Variants in RBM6 observed in about 807,000 individuals in gnomAD.
The protein encoded by RBM6 is RNA-binding protein 6.
RBM6 carries 23 observed loss-of-function variants against 140.4 expected under a neutral mutation model. That is an observed-to-expected ratio of 0.16 (90% CI 0.12 to 0.23). The LOEUF is 0.23. RBM6 is among the 10% of genes least tolerant of loss of function. The probability of loss-of-function intolerance (pLI) is 1.00; values close to 1 mark genes in which losing one functional copy is unlikely to be tolerated. For synonymous variants in RBM6, 439 were observed against 475.6 expected, an observed-to-expected ratio of 0.92 and a Z score of 1.00; for missense variants, 1,139 against 1,386.7, an observed-to-expected ratio of 0.82 and a Z score of 2.84.
At chr3:49,956,130 C>T (rs1331227718) in intron 1 of RBM6, among the ~76,000 whole-genome samples, 1 of 151,514 alleles carries the variant, frequency 6.6e-6, no homozygotes, top group Non-Finnish European at 1.5e-5. Context: ...TCAAGTGATC[C>T]TCCTGTCCCA....
At chr3:49,977,807 T>C (rs1269253132) in intron 5 of RBM6, among the ~76,000 whole-genome samples, 4 of 152,194 alleles carry the variant, frequency 2.6e-5, no homozygotes, top group Middle Eastern at 3.2e-3. Context: ...AGAACTATAG[T>C]GTTTACTGTT....
At chr3:50,038,493 G>T (rs2088675738) in intron 6 of RBM6, among the ~76,000 whole-genome samples, 1 of 152,094 alleles carries the variant, frequency 6.6e-6, no homozygotes, top group South Asian at 2.1e-4. Flanking sequence ...AAGAGCCAGG[G>T]AGCTCCAATA....
intron 18 of RBM6, among the ~76,000 whole-genome samples, chr3:50,069,245 G>T (rs533718748): frequency 6.6e-6 from 1 of 152,294 alleles, no homozygotes; most frequent in East Asian, 1.9e-4. Flanking sequence ...AGGCACGGTG[G>T]CTCACGCCTA....
At chr3:49,941,730 A>G (rs1412792460) in intron 1 of RBM6, among the ~76,000 whole-genome samples, 1 of 150,788 alleles carries the variant, frequency 6.6e-6, no homozygotes, top group Non-Finnish European at 1.5e-5. Flanking sequence ...ATGCCCAGCT[A>G]ATTTTTTGTA....
chr3:50,057,295 A>G (rs1399520973), intron 8 of RBM6, among the ~76,000 whole-genome samples: 2 of 152,186 alleles, frequency 1.3e-5, no homozygotes, highest in Non-Finnish European at 2.9e-5. Flanking sequence ...ATAATATTAA[A>G]AGCATTCCAG....
Position 50,077,130 on chromosome 3 carries a change from T to A in RBM6, c.3369T>A (p.Asp1123Glu). 1.9e-6 allele frequency: 3 copies of A among 1,609,444 alleles called. No homozygotes were observed. Among genetic ancestry groups the A allele is most frequent in the Non-Finnish European group, 2.5e-6 (3 of 1,178,580 alleles). The change falls in exon 21 of 21, where the codon GAT (aspartate) becomes GAA (glutamate). Residue 1123 changes from aspartate (D) to glutamate (E), a missense_variant. By Grantham distance (45) the Asp-to-Glu change is conservative. This residue lies in a region of RBM6 where 125 missense variants were observed against 142.0 expected (regional missense o/e 0.88). Coordinates refer to ENST00000266022, the MANE Select transcript of RBM6 (RefSeq NM_005777.3). ...TGTTTGCTCGATATAAAGAACTCGATTAAGAAAGGAGACAAGTTCCATGGG... is the reference window on the plus strand; with the variant it reads ...TGTTTGCTCGATATAAAGAACTCGAATAAGAAAGGAGACAAGTTCCATGGG... ...RVMFARYKEL[D>E]
chr3:50,061,212 G>A lies in RBM6; in HGVS notation c.2344G>A (p.Gly782Arg). The stretch of plus-strand genomic sequence containing the variant: ...CTGGTCTTCAGATACAAATCGACAA[G>A]GACAACAGTGTAAGTAACCTTTGTT... Reference protein sequence around the residue: ...SDWSSDTNRQGQQSSSDCYIY... With the variant: ...SDWSSDTNRQRQQSSSDCYIY... Residue 782 changes from glycine (G) to arginine (R), a missense_variant, in exon 13 of 21, where the codon GGA becomes AGA. Coordinates refer to ENST00000266022, the MANE Select transcript of RBM6 (RefSeq NM_005777.3). 1.2e-6 allele frequency: 2 copies of A among 1,614,132 alleles called. No individual in the cohort carries two copies. Among genetic ancestry groups the A allele is most frequent in the Non-Finnish European group, 1.7e-6 (2 of 1,180,026 alleles).
In RBM6 at chr3:49,970,487, C is replaced by G. The variant is rs567230736; in HGVS notation, c.1324-1572C>G. ...TTTGGGAGTTGACTCTTGCAACTCT[C>G]GCTTAGTTAGACCTGTGATTGTTTA... On this transcript the variant is annotated intron_variant, in intron 3 of 20. Transcript: ENST00000266022. Among the ~76,000 whole-genome samples the G allele has an allele frequency of 2.0e-5, 3 of 152,194 alleles. No homozygotes were observed. In the East Asian group the frequency reaches 5.8e-4, roughly 29 times the overall value.
intron 6 of RBM6, among the ~76,000 whole-genome samples, chr3:50,029,211 G>A (rs1449582127): frequency 6.6e-6 from 1 of 152,170 alleles, no homozygotes; most frequent in Non-Finnish European, 1.5e-5. Context: ...TCTTGTGGTG[G>A]TATGTAGACT....
At chr3:50,068,857 A>G in intron 18 of RBM6, 93 bp downstream of exon 18, 1 of 1,155,780 alleles carries the variant, frequency 8.7e-7, no homozygotes, top group Non-Finnish European at 1.3e-6. Flanking sequence ...CCTTATAAGA[A>G]GATGGAGAAC....
At chr3:50,053,991 G>A (rs527756015) in intron 7 of RBM6, 1 of 192,504 alleles carries the variant, frequency 5.2e-6, no homozygotes, top group South Asian at 1.3e-4. Context: ...TCAGGCCCAA[G>A]TTTTGGGTGC....
At chr3:50,056,636 A>G (rs1272754460) in intron 8 of RBM6, among the ~76,000 whole-genome samples, 1 of 152,210 alleles carries the variant, frequency 6.6e-6, no homozygotes, top group Admixed American at 6.5e-5. Flanking sequence ...CCATACCACT[A>G]AGATGAGACA....
At chr3:49,966,990 T>C (rs1270167211) in intron 2 of RBM6, among the ~76,000 whole-genome samples, 1 of 152,196 alleles carries the variant, frequency 6.6e-6, no homozygotes, top group Non-Finnish European at 1.5e-5. Flanking sequence ...TAATAAAATA[T>C]TTTTGAATGT....
chr3:49,978,741 C>T (rs1201027626), intron 5 of RBM6, among the ~76,000 whole-genome samples: 1 of 152,070 alleles, frequency 6.6e-6, no homozygotes, highest in Non-Finnish European at 1.5e-5. Context: ...CAGGATTTGC[C>T]TCAAAATGAG....
chr3:50,068,584 A>ACTGT, intron 17 of RBM6, 106 bp from the exon 18 acceptor site: 1 of 965,566 alleles, frequency 1.0e-6, no homozygotes, highest in Non-Finnish European at 1.6e-6. Context: ...AGATCTGATC[A>ACTGT]ATCAAAAGAG....
chr3:50,073,731 C>A (rs114359958), intron 19 of RBM6, among the ~76,000 whole-genome samples: 1 of 152,092 alleles, frequency 6.6e-6, no homozygotes, highest in Non-Finnish European at 1.5e-5. Context: ...TTTTACAAAC[C>A]GTATACCTTG....
At chr3:49,984,460 T>C (rs968513243) in intron 5 of RBM6, among the ~76,000 whole-genome samples, 7 of 152,154 alleles carry the variant, frequency 4.6e-5, no homozygotes, top group East Asian at 3.9e-4. Context: ...ATACAAAAAC[T>C]AGCTGGGCTG....
intron 17 of RBM6, 44 bp from the exon 18 acceptor site, chr3:50,068,646 A>T (rs1217920130): frequency 1.3e-6 from 2 of 1,577,024 alleles, no homozygotes; most frequent in Non-Finnish European, 1.7e-6. Flanking sequence ...CTCTAGGACC[A>T]TTGTTTCTTA....
intron 6 of RBM6, among the ~76,000 whole-genome samples, chr3:50,036,813 T>TG (rs1438341569): frequency 6.6e-6 from 1 of 152,142 alleles, no homozygotes; most frequent in African/African-American, 2.4e-5. Context: ...ATGGGAGTCT[T>TG]GCTCTGTCGC....
Sources: allele counts gnomAD v4.1 joint callset (sites outside exome capture counted in the v4.1 genomes callset), GRCh38; gene constraint gnomAD v4.1.1; regional missense constraint gnomAD v4.1.1; transcripts MANE v1.5; gene names NCBI Gene and HGNC (gene_info 2026-07-23, HGNC 2026-07-21).